The following PEAK1 variants were observed in gnomAD, a reference collection of about 807,000 sequenced individuals.
PEAK1 encodes the protein inactive tyrosine-protein kinase PEAK1.
A neutral mutation model predicts 124.7 loss-of-function variants in PEAK1; 54 were observed. That is an observed-to-expected ratio of 0.43 (90% CI 0.35 to 0.54). The LOEUF (loss-of-function observed/expected upper bound fraction) is 0.54, where lower values mean the gene tolerates loss of function less well. Ranked by LOEUF, PEAK1 falls within the 20% of genes least tolerant of loss-of-function variation. PEAK1 has a pLI of 0.01. For missense variants in PEAK1, 2,046 were observed against 2,134.5 expected (o/e 0.96, Z 0.82); for synonymous variants, 719 against 760.0 (o/e 0.95, Z 0.89).
intron 5 of PEAK1, among the ~76,000 whole-genome samples, chr15:77,270,822 C>T (rs898464851): frequency 6.6e-6 from 1 of 152,112 alleles, no homozygotes; most frequent in African/African-American, 2.4e-5. Flanking sequence ...AATGTTCTTC[C>T]ATTTGTTTGT....
intron 2 of PEAK1, chr15:77,331,178 G>A (rs1482568311): frequency 3.2e-6 from 1 of 316,016 alleles, no homozygotes; most frequent in African/African-American, 2.3e-5. Flanking sequence ...TGCCCAGGCT[G>A]AAGTGTAGTG....
chr15:77,327,585 CAAT>C (rs755523778), intron 2 of PEAK1, among the ~76,000 whole-genome samples: 15 of 151,654 alleles, frequency 9.9e-5, no homozygotes, highest in Non-Finnish European at 2.1e-4. Context: ...ATTATATCAA[CAAT>C]AATAAAATAT....
At chr15:77,132,594 C>A (rs951355307) in intron 9 of PEAK1, among the ~76,000 whole-genome samples, 1 of 150,834 alleles carries the variant, frequency 6.6e-6, no homozygotes, top group Non-Finnish European at 1.5e-5. Flanking sequence ...ACTCGGGAGG[C>A]TGAGGCACAA....
At chr15:77,170,615 T>C (rs7163916) in intron 7 of PEAK1, among the ~76,000 whole-genome samples, 64 of 152,332 alleles carry the variant, frequency 4.2e-4, no homozygotes, top group African/African-American at 1.4e-3. Flanking sequence ...TATTAAATTC[T>C]GGTTCCTTAG....
rs554767011 is a variant in PEAK1 at position 77,416,573 on chromosome 15, G to A, written c.-666+3433C>T. 9.2e-5 allele frequency among the ~76,000 whole-genome samples: 14 copies of A among 152,048 alleles called. No individual in the cohort carries two copies. In the East Asian group the frequency reaches 1.7e-3, roughly 19 times the overall value. The stretch of plus-strand genomic sequence containing the variant: ...AATTTTTTTTCCCCACTAAATCCCC[G>A]CAACTTTTGGAATTAAGTTAAAGTT... On this transcript the variant is annotated intron_variant, in intron 1 of 9. Transcript: ENST00000682557.
chr15:77,419,041 G>C (rs546832528), intron 1 of PEAK1: 4 of 985,218 alleles, frequency 4.1e-6, no homozygotes, highest in Admixed American at 6.1e-5. Flanking sequence ...GTTTTCTATA[G>C]CAAGGCCAAT....
chr15:77,276,413 G>T (rs76923049), intron 5 of PEAK1, among the ~76,000 whole-genome samples: 1 of 152,130 alleles, frequency 6.6e-6, no homozygotes, highest in Non-Finnish European at 1.5e-5. Flanking sequence ...TAAAAACCAC[G>T]GAAGCCAGAA....
chr15:77,402,869 C>G (rs927058785), intron 1 of PEAK1: 3 of 985,132 alleles, frequency 3.0e-6, no homozygotes, highest in Admixed American at 1.2e-4. Context: ...TCTAAACTTT[C>G]AATTGCTACA....
chr15:77,224,134 T>TAG (rs1483069442), intron 6 of PEAK1, among the ~76,000 whole-genome samples: 1 of 146,440 alleles, frequency 6.8e-6, no homozygotes, highest in African/African-American at 2.5e-5. Context: ...TAAGTAGTAG[T>TAG]TTTTTTTTTT....
rs1334974767 is a variant in PEAK1 at position 77,413,156 on chromosome 15, G to A, written c.-666+6850C>T. Among the ~76,000 whole-genome samples the A allele has an allele frequency of 2.0e-5, 3 of 152,170 alleles. No individual in the cohort carries two copies. The East Asian group carries it at 5.8e-4, about 29-fold the overall frequency. The stretch of plus-strand genomic sequence containing the variant: ...GATCCACTAATGAATGCTAAAATTA[G>A]TGGGCAGAAACAGGATACTGGCAAA... On this transcript the variant is annotated intron_variant, in intron 1 of 9. Coordinates refer to ENST00000682557, the MANE Select transcript of PEAK1 (RefSeq NM_001385026.1).
chr15:77,333,644 T>G, intron 2 of PEAK1: 2 of 971,426 alleles, frequency 2.1e-6, no homozygotes, highest in Non-Finnish European at 2.4e-6. Context: ...TAGTTTTATA[T>G]TCTTGTGATA....
Position 77,180,442 on chromosome 15 carries a change from G to A in PEAK1, c.1485C>T (p.Ser495=), listed in dbSNP as rs2057185720. The change falls in exon 7 of 10, where the codon AGC becomes AGT. Residue 495 remains serine, a synonymous_variant. Coordinates refer to ENST00000682557, the MANE Select transcript of PEAK1 (RefSeq NM_001385026.1). ...TAGAGGATGAGCTTTTTGTCTTGGG[G>A]CTGTTAACAGGGCCCTCGAGGTGCT... ...ASEHLEGPVN[S]PKTKSSSSTP... 6.2e-7 allele frequency: 1 copy of A among 1,613,976 alleles called. No homozygotes were observed. Among genetic ancestry groups the A allele is most frequent in the Non-Finnish European group, 8.5e-7 (1 of 1,180,018 alleles).
chr15:77,373,699 T>C (rs1252310696), intron 1 of PEAK1, among the ~76,000 whole-genome samples: 1 of 152,198 alleles, frequency 6.6e-6, no homozygotes, highest in Non-Finnish European at 1.5e-5. Context: ...CTTAACTGGT[T>C]GGTCCCTATT....
intron 9 of PEAK1, among the ~76,000 whole-genome samples, chr15:77,117,357 G>A (rs2051482241): frequency 6.6e-6 from 1 of 152,176 alleles, no homozygotes; most frequent in African/African-American, 2.4e-5. Context: ...ACAATATGAA[G>A]AACACTGAAA....
chr15:77,270,891 T>C lies in PEAK1; in HGVS notation c.-275+12992A>G, dbSNP rs79721468. Among the ~76,000 whole-genome samples, 207 of 152,166 alleles carry C rather than the reference T, an allele frequency of 1.4e-3. 1 individual carries two copies. Among genetic ancestry groups the C allele is most frequent in the African/African-American group, 4.8e-3 (201 of 41,538 alleles). ...ATGGGCAAGGACTTCATGTCTAAAA[T>C]ACCAAAAGCAATGGCAACAAAAGCC... is the stretch of plus-strand genomic sequence containing the variant. On this transcript the variant is annotated intron_variant, in intron 5 of 9. Transcript: ENST00000682557.
intron 8 of PEAK1, among the ~76,000 whole-genome samples, chr15:77,135,615 CAT>C (rs1302406945): frequency 2.6e-5 from 4 of 152,206 alleles, no homozygotes; most frequent in African/African-American, 4.8e-5. Flanking sequence ...TGAATTCCCA[CAT>C]GTTGTGGGAG....
chr15:77,157,754 G>C (rs2055282707), intron 8 of PEAK1: 1 of 151,960 alleles, frequency 6.6e-6, no homozygotes, highest in Admixed American at 6.6e-5. Flanking sequence ...TCTGTCTACT[G>C]TCCCCCCTCC....
chr15:77,352,380 CA>C (rs2067261118), intron 2 of PEAK1: 14 of 985,182 alleles, frequency 1.4e-5, no homozygotes, highest in Non-Finnish European at 1.6e-5. Flanking sequence ...GAACTCTGCT[CA>C]AATGGCCCTG....
intron 6 of PEAK1, among the ~76,000 whole-genome samples, chr15:77,247,186 T>C (rs2060626715): frequency 6.6e-6 from 1 of 152,210 alleles, no homozygotes; most frequent in Non-Finnish European, 1.5e-5. Flanking sequence ...AGCTTACTTC[T>C]TCCTCTTCAA....
Sources: gnomAD v4.1 joint callset for allele counts (sites outside exome capture counted in the v4.1 genomes callset) on GRCh38, gnomAD v4.1.1 for gene constraint, MANE v1.5 for transcripts, NCBI Gene and HGNC (gene_info 2026-07-23, HGNC 2026-07-21) for gene names.